The following BRIP1 variants were observed in gnomAD, a reference collection of about 807,000 sequenced individuals.
BRIP1 encodes Fanconi anemia group J protein.
Under a neutral mutation model 119.7 loss-of-function variants are expected in BRIP1, and 88 were observed. The observed-to-expected ratio is 0.74, with a 90% confidence interval of 0.62 to 0.88. The LOEUF is 0.88. BRIP1 is among the 40% of genes least tolerant of loss of function. The probability of loss-of-function intolerance (pLI) is 0.00; values close to 1 mark genes in which losing one functional copy is unlikely to be tolerated. For synonymous variants in BRIP1, 443 were observed against 496.5 expected (o/e 0.89, Z 1.43); for missense variants, 1,259 against 1,455.4 (o/e 0.87, Z 2.20).
In BRIP1 at chr17:61,808,152, A is replaced by G. The variant is rs761018253; in HGVS notation, c.918+315T>C. Among the ~76,000 whole-genome samples, 1 of 152,146 alleles carries G rather than the reference A, an allele frequency of 6.6e-6. No homozygotes were observed. The highest frequency in any genetic ancestry group is 1.9e-4 in the East Asian group (1 of 5,188). ...TAGACTAAACCATTTAAACACTTCT[A>G]TCTCCTCATATGATATCATCCAAGT... On this transcript the variant is annotated intron_variant, in intron 7 of 19. Coordinates refer to ENST00000259008, the MANE Select transcript of BRIP1 (RefSeq NM_032043.3). The surrounding 1 kb of genome is among the most constrained non-coding windows in gnomAD (Gnocchi z 4.1).
intron 16 of BRIP1, among the ~76,000 whole-genome samples, chr17:61,723,520 A>G (rs983483139): frequency 6.6e-6 from 1 of 152,170 alleles, no homozygotes; most frequent in Non-Finnish European, 1.5e-5. Flanking sequence ...CTGTTGACCA[A>G]TGCTTCCTTA....
At position 61,857,743 on chromosome 17, in the gene BRIP1, T is replaced by C. The variant is rs2078918636; in HGVS notation, c.206-512A>G. ...TGTTTCAAAAACCAAAACAAAAACA[T>C]TTATAGGGAAATTATCACCCATTTA... is the stretch of plus-strand genomic sequence containing the variant. On this transcript the variant is annotated intron_variant, in intron 3 of 19. Coordinates refer to ENST00000259008, the MANE Select transcript of BRIP1 (RefSeq NM_032043.3). The surrounding 1 kb of genome is among the most constrained non-coding windows in gnomAD (Gnocchi z 5.1). 6.6e-6 allele frequency among the ~76,000 whole-genome samples: 1 copy of C among 151,168 alleles called. No individual in the cohort carries two copies. The highest frequency in any genetic ancestry group is 2.4e-5 in the African/African-American group (1 of 40,860).
At position 61,824,045 on chromosome 17, in the gene BRIP1, C is replaced by T. The variant is rs532452907; in HGVS notation, c.628-15288G>A. 2.0e-5 allele frequency among the ~76,000 whole-genome samples: 3 copies of T among 152,250 alleles called. No individual in the cohort carries two copies. Among genetic ancestry groups the T allele is most frequent in the Non-Finnish European group, 4.4e-5 (3 of 68,012 alleles). ...AGCCAGGCTGGTCTCAAACTCCTGACCTCAGGTGATCCACCCGCCTCAGCC... is the reference window on the plus strand; with the variant it reads ...AGCCAGGCTGGTCTCAAACTCCTGATCTCAGGTGATCCACCCGCCTCAGCC... On this transcript the variant is annotated intron_variant, in intron 6 of 19. Coordinates refer to ENST00000259008, the MANE Select transcript of BRIP1 (RefSeq NM_032043.3). The surrounding 1 kb of genome is among the most constrained non-coding windows in gnomAD (Gnocchi z 4.3).
intron 6 of BRIP1, among the ~76,000 whole-genome samples, chr17:61,826,722 A>C (rs1434964035): frequency 8.9e-6 from 1 of 112,832 alleles, no homozygotes; most frequent in African/African-American, 3.3e-5. Flanking sequence ...AATGGCTATT[A>C]TTAAAAAGTA....
chr17:61,781,007 T>C lies in BRIP1; in HGVS notation c.1629-2A>G. On this transcript the variant is annotated splice_acceptor_variant, in intron 11 of 19. Coordinates refer to ENST00000259008, the MANE Select transcript of BRIP1 (RefSeq NM_032043.3). LOFTEE classifies it high-confidence loss of function. ...GCAATTTTATAATCATCTGCAAATCTAGATGCAAAGAAAGTGCTAATTAAG... is the reference window on the plus strand; with the variant it reads ...GCAATTTTATAATCATCTGCAAATCCAGATGCAAAGAAAGTGCTAATTAAG... 1.2e-6 allele frequency: 2 copies of C among 1,613,666 alleles called. No individual in the cohort carries two copies. The highest frequency in any genetic ancestry group is 1.7e-6 in the Non-Finnish European group (2 of 1,179,970).
chr17:61,855,111 T>C (rs1019648531), intron 4 of BRIP1, among the ~76,000 whole-genome samples: 22 of 151,696 alleles, frequency 1.5e-4, no homozygotes, highest in Admixed American at 1.3e-3. Flanking sequence ...GTTGGGGAGG[T>C]GAGTCATGTA....
chr17:61,760,637 A>T lies in BRIP1; in HGVS notation c.2097+15764T>A, dbSNP rs1428247532. ...CACAGAAATACAAAGGATCAAAGTGACTATTACAATTATATGCCAACAAAA... is the reference window on the plus strand; with the variant it reads ...CACAGAAATACAAAGGATCAAAGTGTCTATTACAATTATATGCCAACAAAA... On this transcript the variant is annotated intron_variant, in intron 14 of 19. Transcript: ENST00000259008. This position sits in a 1 kb window ranked among gnomAD's most constrained non-coding sequence, Gnocchi z 4.6. Among the ~76,000 whole-genome samples, 1 of 152,026 alleles carries T rather than the reference A, an allele frequency of 6.6e-6. No individual in the cohort carries two copies. Among genetic ancestry groups the T allele is most frequent in the Non-Finnish European group, 1.5e-5 (1 of 67,894 alleles).
rs1330739775 is a variant in BRIP1, at chr17:61,816,208, A to G, written c.628-7451T>C. 2.0e-5 allele frequency among the ~76,000 whole-genome samples: 3 copies of G among 152,196 alleles called. No individual in the cohort carries two copies. Among genetic ancestry groups the G allele is most frequent in the Non-Finnish European group, 4.4e-5 (3 of 68,034 alleles). On this transcript the variant is annotated intron_variant, in intron 6 of 19. Transcript: ENST00000259008. The surrounding 1 kb of genome is among the most constrained non-coding windows in gnomAD (Gnocchi z 5.0). Reference sequence around the variant, plus strand: ...TTCAAAGAGCTCATTCAAGATGTCAATCAGCAGGTAGGGGATCAGATACAG... The same window carrying G: ...TTCAAAGAGCTCATTCAAGATGTCAGTCAGCAGGTAGGGGATCAGATACAG...
At position 61,735,517 on chromosome 17, in the gene BRIP1, G is replaced by A. The variant is rs537995519; in HGVS notation, c.2379+7496C>T. 6.7e-4 allele frequency among the ~76,000 whole-genome samples: 102 copies of A among 152,028 alleles called. No homozygotes were observed. Among genetic ancestry groups the A allele is most frequent in the African/African-American group, 1.2e-3 (48 of 41,474 alleles). ...AAGAGTACACCTTAGGGCTAGGCAC[G>A]GTGGCTCACACTTGTAATCCCAGCA... On this transcript the variant is annotated intron_variant, in intron 16 of 19. Coordinates refer to ENST00000259008, the MANE Select transcript of BRIP1 (RefSeq NM_032043.3). This position sits in a 1 kb window ranked among gnomAD's most constrained non-coding sequence, Gnocchi z 4.4.
Position 61,774,633 on chromosome 17 carries a change from CA to C in BRIP1, c.2097+1767del, listed in dbSNP as rs200866299. ...AATAAATGTTTACTGTTTTAAGCCA[CA>C]AAAAAATTAAACAAAAACCTGCAGA... On this transcript the variant is annotated intron_variant, in intron 14 of 19. Transcript: ENST00000259008. The surrounding 1 kb of genome is among the most constrained non-coding windows in gnomAD (Gnocchi z 5.8). 5.7e-3 allele frequency among the ~76,000 whole-genome samples: 864 copies of C among 152,012 alleles called. 5 individuals carry two copies. The highest frequency in any genetic ancestry group is 0.02 in the African/African-American group (826 of 41,468).
chr17:61,719,176 G>GC (rs34051860), intron 16 of BRIP1, among the ~76,000 whole-genome samples: 28,254 of 140,862 alleles, frequency 0.2, 3,215 homozygotes, highest in Admixed American at 0.39. Flanking sequence ...AAGAGACATT[G>GC]CCCCCCCCCC....
intron 1 of BRIP1, among the ~76,000 whole-genome samples, chr17:61,863,061 C>A (rs970613352): frequency 6.6e-6 from 1 of 152,070 alleles, no homozygotes; most frequent in Non-Finnish European, 1.5e-5. Context: ...ATAAACACAC[C>A]CCTCTGCCTC....
rs1476900824 is a variant in BRIP1, at chr17:61,739,815, A to G, written c.2379+3198T>C. 1.3e-5 allele frequency among the ~76,000 whole-genome samples: 2 copies of G among 152,182 alleles called. No homozygotes were observed. Among genetic ancestry groups the G allele is most frequent in the East Asian group, 3.9e-4 (2 of 5,192 alleles). ...ATTGCCAGCACTTTCAAATGCCTGT[A>G]GGAAGTAAAAGAAAATCCTCCTTGA... On this transcript the variant is annotated intron_variant, in intron 16 of 19. Coordinates refer to ENST00000259008, the MANE Select transcript of BRIP1 (RefSeq NM_032043.3). This position sits in a 1 kb window ranked among gnomAD's most constrained non-coding sequence, Gnocchi z 6.0.
intron 10 of BRIP1, among the ~76,000 whole-genome samples, chr17:61,787,163 C>A (rs1603338293): frequency 5.4e-5 from 5 of 92,704 alleles, no homozygotes; most frequent in African/African-American, 9.1e-5. Context: ...ATATTATATA[C>A]TATATAAAAT....
At position 61,724,691 on chromosome 17, in the gene BRIP1, A is replaced by AT. The variant is rs1416988477; in HGVS notation, c.2380-8629dup. Among the ~76,000 whole-genome samples, 3 of 152,120 alleles carry AT rather than the reference A, an allele frequency of 2.0e-5. No homozygotes were observed. The highest frequency in any genetic ancestry group is 4.4e-5 in the Non-Finnish European group (3 of 67,992). On this transcript the variant is annotated intron_variant, in intron 16 of 19. Transcript: ENST00000259008. This position sits in a 1 kb window ranked among gnomAD's most constrained non-coding sequence, Gnocchi z 5.1. ...TGAAAGCAATCAATAGAAGAATATA[A>AT]TTTTTTTCTTGTATGTAAGCTTGAA...
rs1444354149 is a variant in BRIP1, at chr17:61,756,008, A to T, written c.2098-11417T>A. 6.6e-6 allele frequency among the ~76,000 whole-genome samples: 1 copy of T among 151,996 alleles called. No homozygotes were observed. Among genetic ancestry groups the T allele is most frequent in the African/African-American group, 2.4e-5 (1 of 41,380 alleles). On this transcript the variant is annotated intron_variant, in intron 14 of 19. Coordinates refer to ENST00000259008, the MANE Select transcript of BRIP1 (RefSeq NM_032043.3). This position sits in a 1 kb window ranked among gnomAD's most constrained non-coding sequence, Gnocchi z 4.3. The stretch of plus-strand genomic sequence containing the variant: ...TTTTATTTTAATTTCTTCAGTGGAG[A>T]TTTTTTTTAAAGTACCTTAAAACCT...
At chr17:61,821,539 T>C (rs999777522) in intron 6 of BRIP1, among the ~76,000 whole-genome samples, 4 of 150,140 alleles carry the variant, frequency 2.7e-5, no homozygotes, top group African/African-American at 9.8e-5. Flanking sequence ...TTAATTTTAT[T>C]TTTTTTTACA....
In BRIP1 at chr17:61,824,142, G is replaced by A. The variant is rs1231290820; in HGVS notation, c.628-15385C>T. On this transcript the variant is annotated intron_variant, in intron 6 of 19. Coordinates refer to ENST00000259008, the MANE Select transcript of BRIP1 (RefSeq NM_032043.3). The surrounding 1 kb of genome is among the most constrained non-coding windows in gnomAD (Gnocchi z 4.3). Reference sequence around the variant, plus strand: ...AGATAGAATTTTTAAAGCAGCCACAGATTACTCTATAGAAACTATGTAAGA... The same window carrying A: ...AGATAGAATTTTTAAAGCAGCCACAAATTACTCTATAGAAACTATGTAAGA... Among the ~76,000 whole-genome samples, 1 of 152,076 alleles carries A rather than the reference G, an allele frequency of 6.6e-6. No individual in the cohort carries two copies. The highest frequency in any genetic ancestry group is 1.5e-5 in the Non-Finnish European group (1 of 68,022).
intron 16 of BRIP1, among the ~76,000 whole-genome samples, chr17:61,737,299 A>G (rs1567774786): frequency 6.6e-6 from 1 of 152,156 alleles, no homozygotes; most frequent in Non-Finnish European, 1.5e-5. Context: ...ATTTTTAAAA[A>G]CCTGATCCAA....
Sources: allele counts gnomAD v4.1 joint callset (sites outside exome capture counted in the v4.1 genomes callset), GRCh38; gene constraint gnomAD v4.1.1; non-coding constraint Gnocchi (gnomAD v3.1); transcripts MANE v1.5; gene names NCBI Gene and HGNC (gene_info 2026-07-23, HGNC 2026-07-21).